Variants in LNX1 observed in about 807,000 individuals in gnomAD.
LNX1 encodes E3 ubiquitin-protein ligase LNX.
Under a neutral mutation model 68.4 loss-of-function variants are expected in LNX1, and 54 were observed. The ratio of observed to expected loss-of-function variants is 0.79; its 90% CI spans 0.63 to 0.99. The LOEUF (loss-of-function observed/expected upper bound fraction) is 0.99, where lower values mean the gene tolerates loss of function less well. LNX1 is among the 50% of genes least tolerant of loss of function. The probability of loss-of-function intolerance (pLI) is 0.00; values close to 1 mark genes in which losing one functional copy is unlikely to be tolerated. For missense variants in LNX1, 906 were observed against 926.4 expected (o/e 0.98, Z 0.29); for synonymous variants, 336 against 350.0 (o/e 0.96, Z 0.45).
chr4:53,512,196 A>G (rs904013127), intron 2 of LNX1, among the ~76,000 whole-genome samples: 11 of 149,834 alleles, frequency 7.3e-5, no homozygotes, highest in Non-Finnish European at 1.5e-5. Context: ...CTTCCCTGTT[A>G]AAAAGGCTGG....
chr4:53,515,349 C>T (rs998582214), intron 2 of LNX1, among the ~76,000 whole-genome samples: 11 of 152,134 alleles, frequency 7.2e-5, no homozygotes, highest in Admixed American at 1.3e-4. Context: ...TTTGGTATTC[C>T]GTTGATTGAA....
chr4:53,533,721 C>A (rs982280156), intron 2 of LNX1, among the ~76,000 whole-genome samples: 1 of 152,118 alleles, frequency 6.6e-6, no homozygotes, highest in Non-Finnish European at 1.5e-5. Flanking sequence ...TTGATTGCCA[C>A]GATTTGGGAG....
At position 53,461,573 on chromosome 4, in the gene LNX1, T is replaced by C; in HGVS notation, c.1913A>G (p.Asp638Gly). Residue 638 changes from aspartate (D) to glycine (G), a missense_variant, in exon 10 of 11, where the codon GAT (aspartate) becomes GGT (glycine). Asp to Gly is a moderately conservative substitution (Grantham distance 94). Coordinates refer to ENST00000263925, the MANE Select transcript of LNX1 (RefSeq NM_001126328.3). ...ELPRCLYNCKDIVLRRNTAGS... is the reference protein window; with the variant it reads ...ELPRCLYNCKGIVLRRNTAGS... ...AGCTGTGTTTCTTCGTAATACAATATCTTTACAGTTATACAAGCACCTGAA... is the reference window on the plus strand; with the variant it reads ...AGCTGTGTTTCTTCGTAATACAATACCTTTACAGTTATACAAGCACCTGAA... 6.2e-7 allele frequency: 1 copy of C among 1,611,666 alleles called. No individual in the cohort carries two copies. The highest frequency in any genetic ancestry group is 8.5e-7 in the Non-Finnish European group (1 of 1,178,404).
chr4:53,477,621 G>A (rs1723650252), intron 8 of LNX1, among the ~76,000 whole-genome samples: 1 of 151,926 alleles, frequency 6.6e-6, no homozygotes, highest in South Asian at 2.1e-4. Context: ...ACTTTGTTTG[G>A]CCTCATCATT....
intron 2 of LNX1, among the ~76,000 whole-genome samples, chr4:53,605,173 G>C (rs947313638): frequency 1.3e-5 from 2 of 152,152 alleles, no homozygotes; most frequent in African/African-American, 4.8e-5. Flanking sequence ...CCTCTGGATG[G>C]GGACTGGCAA....
exon 1 of LNX1, chr4:53,652,395 A>T (rs1242955060): frequency 2.0e-5 from 3 of 152,202 alleles, no homozygotes; most frequent in Non-Finnish European, 4.4e-5. Flanking sequence ...GATCCATAAA[A>T]CTGAGAGCAG....
At chr4:53,473,425 G>A (rs1257606429) in intron 9 of LNX1, among the ~76,000 whole-genome samples, 1 of 152,148 alleles carries the variant, frequency 6.6e-6, no homozygotes. Context: ...TGGTAGACTA[G>A]ATAAAGAAAA....
At chr4:53,563,888 G>A (rs905913126) in intron 2 of LNX1, among the ~76,000 whole-genome samples, 1 of 152,202 alleles carries the variant, frequency 6.6e-6, no homozygotes, top group Non-Finnish European at 1.5e-5. Context: ...GGTGGGAGGC[G>A]AAGGAATGTA....
intron 2 of LNX1, among the ~76,000 whole-genome samples, chr4:53,556,621 T>C (rs1577708955): frequency 6.6e-6 from 1 of 152,362 alleles, no homozygotes; most frequent in Admixed American, 6.5e-5. Flanking sequence ...AAGGTCATTA[T>C]TTCCTCAGAG....
chr4:53,597,094 C>T (rs1292704660), intron 2 of LNX1, among the ~76,000 whole-genome samples: 1 of 152,194 alleles, frequency 6.6e-6, no homozygotes, highest in Non-Finnish European at 1.5e-5. Context: ...TCTTCAGCTT[C>T]CTAAGGACCT....
At chr4:53,602,701 A>G (rs183959324) in intron 2 of LNX1, among the ~76,000 whole-genome samples, 3 of 152,344 alleles carry the variant, frequency 2.0e-5, no homozygotes, top group Admixed American at 6.5e-5. Context: ...GGCAATCAGG[A>G]TATTGTTTCA....
At chr4:53,511,521 G>A (rs2117597) in intron 2 of LNX1, among the ~76,000 whole-genome samples, 146,134 of 152,250 alleles carry the variant, frequency 0.96, 70,421 homozygotes, top group East Asian at 1. Context: ...TTCAACCAAA[G>A]CACAAGCTTT....
intron 1 of LNX1, among the ~76,000 whole-genome samples, chr4:53,622,990 C>T (rs1467931912): frequency 3.3e-5 from 5 of 152,258 alleles, no homozygotes; most frequent in Admixed American, 3.3e-4. Context: ...TTGTCTTTTA[C>T]ATTAGCCAGA....
intron 6 of LNX1, among the ~76,000 whole-genome samples, chr4:53,487,406 CT>C (rs1410113535): frequency 6.6e-6 from 1 of 152,168 alleles, no homozygotes; most frequent in Non-Finnish European, 1.5e-5. Context: ...TAGGTATATG[CT>C]TAAGTAAAAT....
intron 6 of LNX1, among the ~76,000 whole-genome samples, chr4:53,493,120 C>T (rs1724820629): frequency 6.6e-6 from 1 of 152,120 alleles, no homozygotes; most frequent in Non-Finnish European, 1.5e-5. Context: ...CAGGTGCCTG[C>T]CACCACACCC....
chr4:53,548,085 G>A (rs76086045), intron 2 of LNX1, among the ~76,000 whole-genome samples: 5,048 of 151,136 alleles, frequency 0.033, 218 homozygotes, highest in African/African-American at 0.097. Context: ...CTGGAAGGGC[G>A]TGGGGCCACA....
upstream of LNX1, among the ~76,000 whole-genome samples, chr4:53,595,381 C>T (rs1015801): frequency 0.12 from 17,836 of 152,232 alleles, 1,224 homozygotes; most frequent in East Asian, 0.24. Flanking sequence ...TTCATGTCCT[C>T]ACATGCCTGT....
At chr4:53,605,513 G>A (rs1733192956) in intron 2 of LNX1, among the ~76,000 whole-genome samples, 1 of 152,104 alleles carries the variant, frequency 6.6e-6, no homozygotes, top group East Asian at 1.9e-4. Flanking sequence ...TAATCTGCAT[G>A]CTGTACTTTA....
chr4:53,560,669 T>C (rs111395826), intron 2 of LNX1, among the ~76,000 whole-genome samples: 7 of 152,322 alleles, frequency 4.6e-5, no homozygotes, highest in African/African-American at 1.7e-4. Flanking sequence ...TACATAACAC[T>C]GAAGCATGCA....
Sources: gnomAD v4.1 joint callset for allele counts (sites outside exome capture counted in the v4.1 genomes callset) on GRCh38, gnomAD v4.1.1 for gene constraint, MANE v1.5 for transcripts, NCBI Gene and HGNC (gene_info 2026-07-23, HGNC 2026-07-21) for gene names.